The following CDYL2 variants were observed in gnomAD, a reference collection of about 807,000 sequenced individuals.
CDYL2 encodes the protein chromodomain Y like 2.
CDYL2 carries 23 observed loss-of-function variants against 49.4 expected under a neutral mutation model. That is an observed-to-expected ratio of 0.47 (90% confidence interval 0.34 to 0.66). The LOEUF is 0.66. CDYL2 is among the 30% of genes least tolerant of loss of function. The pLI is 0.01. For synonymous variants in CDYL2, 360 were observed against 268.8 expected, an observed-to-expected ratio of 1.34 and a Z score of -3.32; for missense variants, 678 against 656.4, an observed-to-expected ratio of 1.03 and a Z score of -0.36.
At chr16:80,665,180 T>G (rs866713293) in intron 2 of CDYL2, among the ~76,000 whole-genome samples, 4 of 152,208 alleles carry the variant, frequency 2.6e-5, no homozygotes, top group African/African-American at 9.6e-5. Context: ...AATTAAAATA[T>G]AGTTCTCACT....
chr16:80,707,532 A>G (rs1904447397), intron 1 of CDYL2, among the ~76,000 whole-genome samples: 1 of 152,212 alleles, frequency 6.6e-6, no homozygotes, highest in African/African-American at 2.4e-5. Context: ...AGATCCTTCC[A>G]GAGGGCTCCT....
At chr16:80,659,221 A>T (rs1348397650) in intron 2 of CDYL2, among the ~76,000 whole-genome samples, 1 of 152,220 alleles carries the variant, frequency 6.6e-6, no homozygotes, top group African/African-American at 2.4e-5. Flanking sequence ...ACTCAGTAAA[A>T]TAACTAGCTT....
At chr16:80,772,871 G>A (rs549302711) in intron 1 of CDYL2, among the ~76,000 whole-genome samples, 1 of 152,154 alleles carries the variant, frequency 6.6e-6, no homozygotes, top group Non-Finnish European at 1.5e-5. Context: ...TCAATAAAAA[G>A]TAAGGCATGA....
rs1256122061 is a variant in CDYL2 at position 80,600,226 on chromosome 16, TAA to T, written c.*4160_*4161del. On this transcript the variant is annotated 3_prime_UTR_variant, in exon 7 of 7. Coordinates refer to ENST00000570137, the MANE Select transcript of CDYL2 (RefSeq NM_152342.4). ...AAGATTAACCTGCTCTCCAACAATA[TAA>T]GAGCATTATATTCTAATGAAAAAAT... The T allele has an allele frequency of 2.0e-4, 29 of 142,532 alleles. No homozygotes were observed. The highest frequency in any genetic ancestry group is 1.3e-3 in the South Asian group (6 of 4,628). The allele number at this position is 142,532 out of a possible 1,614,324, so 8.8% of individuals were successfully genotyped here. A position where few individuals can be genotyped will look rare whatever the true frequency, so the allele number is the denominator to read the frequency against.
At chr16:80,758,704 A>G (rs995419261) in intron 1 of CDYL2, among the ~76,000 whole-genome samples, 30 of 151,866 alleles carry the variant, frequency 2.0e-4, no homozygotes, top group Non-Finnish European at 3.2e-4. Flanking sequence ...CACCACACCC[A>G]GCTAATTTTT....
upstream of CDYL2, among the ~76,000 whole-genome samples, chr16:80,804,944 T>A (rs1318949311): frequency 6.6e-6 from 1 of 152,016 alleles, no homozygotes; most frequent in East Asian, 1.9e-4. Flanking sequence ...CTGGGAGACC[T>A]GGCCCCTCGG....
intron 2 of CDYL2, chr16:80,662,675 A>G: frequency 2.2e-6 from 1 of 453,288 alleles, no homozygotes; most frequent in Non-Finnish European, 4.4e-6. Context: ...CTAATACAGT[A>G]GGTGGAATCC....
In CDYL2 at chr16:80,630,113, C is replaced by T. The variant is rs17751389; in HGVS notation, c.834+2906G>A. 9.8e-3 allele frequency among the ~76,000 whole-genome samples: 1,497 copies of T among 152,344 alleles called. 21 individuals carry two copies. The highest frequency in any genetic ancestry group is 0.054 in the South Asian group (261 of 4,826). On this transcript the variant is annotated intron_variant, in intron 3 of 6. Coordinates refer to ENST00000570137, the MANE Select transcript of CDYL2 (RefSeq NM_152342.4). ...AGCCTCTTCATTTCAGTAGGACCTT[C>T]ATTACGGGCTGCTTTACCCAGTCAG... is the stretch of plus-strand genomic sequence containing the variant.
intron 2 of CDYL2, 135 bp from the exon 3 acceptor site, chr16:80,633,371 C>A (rs1284141933): frequency 2.4e-6 from 2 of 817,464 alleles, no homozygotes; most frequent in East Asian, 2.6e-5. Flanking sequence ...CCTGTGCCAC[C>A]CTCTGTTCTA....
intron 3 of CDYL2, among the ~76,000 whole-genome samples, chr16:80,624,935 T>C (rs914218456): frequency 6.6e-6 from 1 of 151,902 alleles, no homozygotes; most frequent in Admixed American, 6.6e-5. Context: ...AACGGAGAGA[T>C]TAAAGACAAG....
intron 1 of CDYL2, among the ~76,000 whole-genome samples, chr16:80,707,366 C>T (rs1233565316): frequency 6.6e-6 from 1 of 152,050 alleles, no homozygotes; most frequent in African/African-American, 2.4e-5. Flanking sequence ...GAGGCTAATG[C>T]AGGAGGATCA....
intron 1 of CDYL2, among the ~76,000 whole-genome samples, chr16:80,779,510 C>G (rs991558917): frequency 1.3e-5 from 2 of 151,912 alleles, no homozygotes; most frequent in Non-Finnish European, 2.9e-5. Context: ...CATTCCACAT[C>G]TAGAAATTTA....
chr16:80,665,349 C>T (rs1241990091), intron 2 of CDYL2, among the ~76,000 whole-genome samples: 1 of 151,998 alleles, frequency 6.6e-6, no homozygotes, highest in Non-Finnish European at 1.5e-5. Flanking sequence ...GCTCTTTCCT[C>T]AGTTCTTCCC....
chr16:80,605,426 A>G (rs1235031703), intron 6 of CDYL2, among the ~76,000 whole-genome samples: 1 of 148,494 alleles, frequency 6.7e-6, no homozygotes, highest in Non-Finnish European at 1.5e-5. Context: ...ATGTAAATAT[A>G]GTATTAATCC....
intron 2 of CDYL2, among the ~76,000 whole-genome samples, chr16:80,640,347 C>T (rs536436803): frequency 6.6e-6 from 1 of 152,234 alleles, no homozygotes; most frequent in African/African-American, 2.4e-5. Context: ...GAACCTGCTG[C>T]CTTCAAGGGA....
chr16:80,668,144 C>G (rs1597159697), intron 2 of CDYL2, among the ~76,000 whole-genome samples: 2 of 152,322 alleles, frequency 1.3e-5, no homozygotes, highest in South Asian at 4.1e-4. Flanking sequence ...CAGTTAAGTC[C>G]CTGCACACCG....
intron 2 of CDYL2, among the ~76,000 whole-genome samples, chr16:80,683,853 G>A (rs902484682): frequency 6.6e-6 from 1 of 152,226 alleles, no homozygotes. Context: ...GCATCTGCTG[G>A]TGCCTTCATC....
intron 2 of CDYL2, among the ~76,000 whole-genome samples, chr16:80,679,184 T>G (rs2316148): frequency 0.61 from 92,166 of 150,702 alleles, 28,594 homozygotes; most frequent in Middle Eastern, 0.74. Context: ...AGTGGGTGCA[T>G]TGTGCCAGCA....
In CDYL2 at chr16:80,600,167, T is replaced by A. The variant is rs1220281976; in HGVS notation, c.*4221A>T. 1.3e-5 allele frequency: 2 copies of A among 152,184 alleles called. No homozygotes were observed. Among genetic ancestry groups the A allele is most frequent in the Admixed American group, 6.6e-5 (1 of 15,264 alleles). 9.4% of individuals were successfully genotyped at this position (152,184 alleles called of 1,614,324 possible). A position where few individuals can be genotyped will look rare whatever the true frequency, so the allele number is the denominator to read the frequency against. On this transcript the variant is annotated 3_prime_UTR_variant, in exon 7 of 7. Coordinates refer to ENST00000570137, the MANE Select transcript of CDYL2 (RefSeq NM_152342.4). Reference sequence around the variant, plus strand: ...GCTTATTCACAAATTCAATACATTTTGAAATTATACTTCAAACGCAATTAC... The same window carrying A: ...GCTTATTCACAAATTCAATACATTTAGAAATTATACTTCAAACGCAATTAC...
Sources: gnomAD v4.1 joint callset for allele counts (sites outside exome capture counted in the v4.1 genomes callset) on GRCh38, gnomAD v4.1.1 for gene constraint, MANE v1.5 for transcripts, NCBI Gene and HGNC (gene_info 2026-07-23, HGNC 2026-07-21) for gene names.